Variants in IL23R observed in about 807,000 individuals in gnomAD.
IL23R encodes the protein interleukin-23 receptor.
In IL23R, 34 loss-of-function variants were observed where a neutral mutation model predicts 56.9. The ratio of observed to expected loss-of-function variants is 0.60; its 90% CI spans 0.45 to 0.80. IL23R has a LOEUF of 0.80. Among genes scored for constraint, IL23R ranks in the 30% least tolerant of loss-of-function variants. IL23R has a pLI of 0.00. For synonymous variants in IL23R, 230 were observed against 249.2 expected, an observed-to-expected ratio of 0.92 and a Z score of 0.73; for missense variants, 635 against 730.0, an observed-to-expected ratio of 0.87 and a Z score of 1.50.
chr1:67,143,629 G>T (rs1030384497), intron 1 of IL23R, among the ~76,000 whole-genome samples: 1 of 152,188 alleles, frequency 6.6e-6, no homozygotes, highest in Admixed American at 6.5e-5. Flanking sequence ...GGTTGTTTCT[G>T]GGACATTATG....
In IL23R at chr1:67,258,868, A is replaced by G. The variant is rs1350588209; in HGVS notation, c.1630A>G (p.Ile544Val). ...AAGTGTGAATTCACTAAGCAACACAATATTTCTTGGAGAATTAAGCCTCAT... is the reference window on the plus strand; with the variant it reads ...AAGTGTGAATTCACTAAGCAACACAGTATTTCTTGGAGAATTAAGCCTCAT... The part of the protein sequence containing the change: ...VSSVNSLSNT[I>V]FLGELSLILN... The change falls in exon 11 of 11, where the codon ATA becomes GTA. Residue 544 changes from isoleucine (I) to valine (V), a missense_variant. Transcript: ENST00000347310. 19 of 1,614,094 alleles carry G rather than the reference A, an allele frequency of 1.2e-5. No individual in the cohort carries two copies. The highest frequency in any genetic ancestry group is 1.5e-5 in the Non-Finnish European group (18 of 1,180,008).
intron 4 of IL23R, 72 bp downstream of exon 4, chr1:67,183,031 G>A (rs1558232801): frequency 1.3e-6 from 2 of 1,567,142 alleles, no homozygotes; most frequent in East Asian, 4.5e-5. Context: ...CTCCAGCAGA[G>A]ATCCAAGAAA....
rs149984216 is a variant in IL23R at position 67,141,030 on chromosome 1, A to G, written c.-634+1869A>G. ...CTTGTCAAAATTTTTGTCTAGCCATAGGATGATAAATATGATGCAGCTGTT... is the reference window on the plus strand; with the variant it reads ...CTTGTCAAAATTTTTGTCTAGCCATGGGATGATAAATATGATGCAGCTGTT... On this transcript the variant is annotated intron_variant, in intron 1 of 10. Coordinates refer to the IL23R transcript ENST00000637002. Among the ~76,000 whole-genome samples, 1,122 of 152,274 alleles carry G rather than the reference A, an allele frequency of 7.4e-3. 6 individuals are homozygous for G. Among genetic ancestry groups the G allele is most frequent in the South Asian group, 0.012 (56 of 4,822 alleles).
rs569922593 is a variant in IL23R at position 67,247,459 on chromosome 1, C to T, written c.1148+7178C>T. ...AGCTGGGATTACAGGCATGTGCCAC[C>T]ATGCCTGGCTAATTTTGTATTTTTA... On this transcript the variant is annotated intron_variant, in intron 9 of 10. Transcript: ENST00000347310. 3.8e-4 allele frequency among the ~76,000 whole-genome samples: 58 copies of T among 152,236 alleles called. 1 individual carries two copies. The highest frequency in any genetic ancestry group is 1.5e-4 in the Non-Finnish European group (10 of 68,018).
intron 6 of IL23R, among the ~76,000 whole-genome samples, chr1:67,218,323 CAT>C (rs72352147): frequency 0.37 from 39,270 of 106,186 alleles, 5,761 homozygotes; most frequent in East Asian, 0.59. Context: ...CACATATATG[CAT>C]ATGTGTGTGT....
chr1:67,156,697 G>A (rs1390047020), intron 1 of IL23R, among the ~76,000 whole-genome samples: 1 of 152,186 alleles, frequency 6.6e-6, no homozygotes, highest in South Asian at 2.1e-4. Context: ...ACTCCAGACT[G>A]TTGTAATGGC....
chr1:67,206,890 T>C lies in IL23R; in HGVS notation c.653-20T>C. 3 of 1,501,536 alleles carry C rather than the reference T, an allele frequency of 2.0e-6. No individual in the cohort carries two copies. The highest frequency in any genetic ancestry group is 2.7e-6 in the Non-Finnish European group (3 of 1,128,054). The allele number at this position is 1,501,536 out of a possible 1,614,324, so 93.0% of individuals were successfully genotyped here. A position where few individuals can be genotyped will look rare whatever the true frequency, so the allele number is the denominator to read the frequency against. ...AAGTTTTAAACAGCCAGGTCTTTTT[T>C]TTTTTTTTTTTTTTTCTAGTGATAC... On this transcript the variant is annotated intron_variant, in intron 5 of 10. Transcript: ENST00000347310.
chr1:67,235,252 G>T (rs1651392418), intron 7 of IL23R, among the ~76,000 whole-genome samples: 1 of 152,204 alleles, frequency 6.6e-6, no homozygotes, highest in African/African-American at 2.4e-5. Flanking sequence ...TCCTCTTGCT[G>T]TAGAGAAGCC....
At chr1:67,163,724 C>T (rs1467656605), upstream of IL23R, among the ~76,000 whole-genome samples, 1 of 152,096 alleles carries the variant, frequency 6.6e-6, no homozygotes, top group Non-Finnish European at 1.5e-5. Flanking sequence ...CCATGTGATG[C>T]ACCTGCTCCT....
At chr1:67,171,811 C>T (rs753016434) in intron 3 of IL23R, among the ~76,000 whole-genome samples, 3 of 152,196 alleles carry the variant, frequency 2.0e-5, no homozygotes, top group Non-Finnish European at 4.4e-5. Context: ...TTTTATTTAA[C>T]ACCACCTTCC....
At chr1:67,184,731 T>C in intron 4 of IL23R, among the ~76,000 whole-genome samples, 1 of 152,118 alleles carries the variant, frequency 6.6e-6, no homozygotes. Flanking sequence ...TGCCAAGCAC[T>C]GGGCCAAGAG....
chr1:67,236,715 C>G lies in IL23R; in HGVS notation c.958C>G (p.Pro320Ala). ...ACACTCTTTCCTTTTGGTTTAAGTT[C>G]CCCAGGTCACATCAAAAGCATTCCA... ...LFFHKTPETV[P>A]QVTSKAFQHD... Residue 320 changes from proline to alanine, a missense_variant and splice_region_variant, in exon 8 of 11, where the codon CCC (proline) becomes GCC (alanine). Physicochemically the swap from Pro to Ala is conservative, Grantham distance 27. Coordinates refer to ENST00000347310, the MANE Select transcript of IL23R (RefSeq NM_144701.3). The G allele has an allele frequency of 6.2e-7, 1 of 1,610,388 alleles. No individual in the cohort carries two copies. Among genetic ancestry groups the G allele is most frequent in the South Asian group, 1.1e-5 (1 of 91,004 alleles).
At chr1:67,170,458 A>T (rs1221661776) in intron 3 of IL23R, among the ~76,000 whole-genome samples, 1 of 152,142 alleles carries the variant, frequency 6.6e-6, no homozygotes, top group African/African-American at 2.4e-5. Context: ...TTATTAATTT[A>T]TTTAAAAGCT....
chr1:67,252,077 T>A (rs1652661863), intron 9 of IL23R, among the ~76,000 whole-genome samples: 1 of 152,288 alleles, frequency 6.6e-6, no homozygotes, highest in East Asian at 1.9e-4. Context: ...TTGTAAGTTA[T>A]CTTTAGTAAA....
chr1:67,234,397 A>G (rs1029541918), intron 7 of IL23R, among the ~76,000 whole-genome samples: 4 of 152,198 alleles, frequency 2.6e-5, no homozygotes, highest in Non-Finnish European at 4.4e-5. Context: ...TAACAAATAG[A>G]CTCTAAAGGA....
chr1:67,197,956 A>G (rs1648295035), intron 4 of IL23R, among the ~76,000 whole-genome samples: 1 of 151,948 alleles, frequency 6.6e-6, no homozygotes, highest in Non-Finnish European at 1.5e-5. Context: ...AAGAAAAGAA[A>G]AGAAAAGAAA....
intron 7 of IL23R, among the ~76,000 whole-genome samples, chr1:67,221,736 A>G (rs1650264195): frequency 6.6e-6 from 1 of 152,218 alleles, no homozygotes; most frequent in African/African-American, 2.4e-5. Context: ...CATCATTATT[A>G]TAACATTCTG....
chr1:67,222,102 C>CTTTCTTTTTTTTTTTTTTTTTT (rs1440089182), intron 7 of IL23R, among the ~76,000 whole-genome samples: 4 of 58,890 alleles, frequency 6.8e-5, no homozygotes, highest in African/African-American at 1.9e-4. Flanking sequence ...TTCTTTCTTT[C>CTTTCTTTTTTTTTTTTTTTTTT]TTTTTTTTTT....
Position 67,173,021 on chromosome 1 carries a change from T to C in IL23R, c.367+3383T>C, listed in dbSNP as rs938626151. Among the ~76,000 whole-genome samples the C allele has an allele frequency of 9.2e-5, 14 of 152,234 alleles. 1 individual carries two copies. Among genetic ancestry groups the C allele is most frequent in the African/African-American group, 3.4e-4 (14 of 41,542 alleles). Reference sequence around the variant, plus strand: ...TAGAAAGGGATCCTTGGCTAGACTCTGAATTAACAAGAAACCTGGCCTGTG... The same window carrying C: ...TAGAAAGGGATCCTTGGCTAGACTCCGAATTAACAAGAAACCTGGCCTGTG... On this transcript the variant is annotated intron_variant, in intron 3 of 10. Transcript: ENST00000347310.
Sources: allele counts gnomAD v4.1 joint callset (sites outside exome capture counted in the v4.1 genomes callset), GRCh38; gene constraint gnomAD v4.1.1; transcripts MANE v1.5; gene names NCBI Gene and HGNC (gene_info 2026-07-23, HGNC 2026-07-21).